MDGA2: variants seen among roughly 807,000 people sequenced by gnomAD.
MDGA2 encodes the protein MAM domain-containing glycosylphosphatidylinositol anchor protein 2.
In MDGA2, 40 loss-of-function variants were observed where a neutral mutation model predicts 117.8. The ratio of observed to expected loss-of-function variants is 0.34; its 90% CI spans 0.26 to 0.44. MDGA2 has a LOEUF of 0.44. MDGA2 is among the 20% of genes least tolerant of loss of function. The pLI is 1.00. For synonymous variants in MDGA2, 452 were observed against 439.0 expected, an observed-to-expected ratio of 1.03 and a Z score of -0.37; for missense variants, 1,123 against 1,250.6, an observed-to-expected ratio of 0.90 and a Z score of 1.54.
At chr14:47,603,837 G>A (rs1896691690) in intron 1 of MDGA2, among the ~76,000 whole-genome samples, 1 of 152,126 alleles carries the variant, frequency 6.6e-6, no homozygotes, top group South Asian at 2.1e-4. Context: ...CATCCCCTTG[G>A]TAACGAGTGC....
chr14:47,358,062 G>C (rs927108659), intron 1 of MDGA2, among the ~76,000 whole-genome samples: 4 of 152,186 alleles, frequency 2.6e-5, no homozygotes, highest in Non-Finnish European at 4.4e-5. Context: ...ATTCCAGGAA[G>C]AAGCTCTGCC....
chr14:47,080,471 T>C (rs1008589689), intron 6 of MDGA2, among the ~76,000 whole-genome samples: 4 of 151,870 alleles, frequency 2.6e-5, no homozygotes, highest in Non-Finnish European at 5.9e-5. Context: ...TTAATAAATA[T>C]TAAGAACATG....
chr14:47,052,500 A>G (rs914501652), intron 7 of MDGA2, among the ~76,000 whole-genome samples: 7 of 151,984 alleles, frequency 4.6e-5, no homozygotes, highest in African/African-American at 1.7e-4. Flanking sequence ...TGTTCTTTCC[A>G]TAGTAATACA....
intron 7 of MDGA2, among the ~76,000 whole-genome samples, chr14:47,049,223 T>A (rs1045212837): frequency 6.6e-6 from 1 of 152,054 alleles, no homozygotes; most frequent in African/African-American, 2.4e-5. Flanking sequence ...TTATTATTTC[T>A]ACTTCACATA....
chr14:47,291,736 A>G (rs1326245599), intron 2 of MDGA2, among the ~76,000 whole-genome samples: 2 of 152,204 alleles, frequency 1.3e-5, no homozygotes, highest in African/African-American at 4.8e-5. Flanking sequence ...CCTGGGAAAC[A>G]GTCAAATTTC....
At chr14:47,440,693 CTTCT>C (rs1892990555) in intron 1 of MDGA2, among the ~76,000 whole-genome samples, 2 of 130,682 alleles carry the variant, frequency 1.5e-5, no homozygotes, top group Non-Finnish European at 3.3e-5. Context: ...CTTCTGTAGG[CTTCT>C]AGAAATTCCC....
intron 1 of MDGA2, among the ~76,000 whole-genome samples, chr14:47,383,986 T>C (rs957192541): frequency 9.1e-6 from 1 of 110,112 alleles, no homozygotes; most frequent in Non-Finnish European, 2.0e-5. Context: ...AGATAGATGA[T>C]AGATAGATAG....
chr14:46,916,246 C>A (rs1232637891), intron 10 of MDGA2, among the ~76,000 whole-genome samples: 3 of 152,070 alleles, frequency 2.0e-5, no homozygotes, highest in Non-Finnish European at 4.4e-5. Context: ...TGTTCAAAAT[C>A]CCATTAGTCC....
intron 2 of MDGA2, among the ~76,000 whole-genome samples, chr14:47,297,612 A>C (rs1228232317): frequency 6.6e-6 from 1 of 152,080 alleles, no homozygotes; most frequent in East Asian, 1.9e-4. Context: ...AGATTGTTAG[A>C]TTTACTGGCA....
At chr14:47,367,095 A>T (rs4900741) in intron 1 of MDGA2, among the ~76,000 whole-genome samples, 25,445 of 152,070 alleles carry the variant, frequency 0.17, 2,645 homozygotes, top group East Asian at 0.54. Flanking sequence ...CACTGTTAAC[A>T]TTGGCAGAGT....
chr14:47,627,700 T>C (rs1207809557), intron 1 of MDGA2, among the ~76,000 whole-genome samples: 1 of 152,136 alleles, frequency 6.6e-6, no homozygotes, highest in Non-Finnish European at 1.5e-5. Flanking sequence ...ATAAAAGCAG[T>C]CTGCCCCAGC....
chr14:47,168,367 C>T (rs1442962256), intron 3 of MDGA2, among the ~76,000 whole-genome samples: 1 of 148,844 alleles, frequency 6.7e-6, no homozygotes, highest in Non-Finnish European at 1.5e-5. Context: ...CATCTATATT[C>T]TATATAATTT....
At chr14:47,307,685 G>C (rs371770567) in intron 1 of MDGA2, among the ~76,000 whole-genome samples, 1 of 125,944 alleles carries the variant, frequency 7.9e-6, no homozygotes, top group South Asian at 2.2e-4. Context: ...GATACTCTGT[G>C]GGGGGGAAAA....
chr14:47,476,226 C>A (rs188674994), intron 1 of MDGA2, among the ~76,000 whole-genome samples: 35 of 152,212 alleles, frequency 2.3e-4, no homozygotes, highest in Non-Finnish European at 7.4e-5. Context: ...AAAGGGCAGT[C>A]ACACTTGCTA....
chr14:47,153,113 C>T (rs1003749746), intron 3 of MDGA2, among the ~76,000 whole-genome samples: 1 of 152,186 alleles, frequency 6.6e-6, no homozygotes, highest in African/African-American at 2.4e-5. Context: ...ACCATCTATG[C>T]TAAAGAAAAT....
chr14:47,232,846 T>C (rs1009254077), intron 2 of MDGA2, among the ~76,000 whole-genome samples: 5 of 152,130 alleles, frequency 3.3e-5, no homozygotes, highest in Admixed American at 1.3e-4. Flanking sequence ...ATAATTTTAA[T>C]GACAGAAAGA....
intron 1 of MDGA2, among the ~76,000 whole-genome samples, chr14:47,441,091 A>G (rs1454240913): frequency 1.3e-5 from 2 of 152,150 alleles, no homozygotes; most frequent in East Asian, 3.9e-4. Context: ...ACACAAGTCT[A>G]TGGGAGCCAA....
intron 8 of MDGA2, among the ~76,000 whole-genome samples, chr14:46,990,322 T>C (rs1887038695): frequency 6.6e-6 from 1 of 152,056 alleles, no homozygotes; most frequent in African/African-American, 2.4e-5. Flanking sequence ...ACTATAGAAA[T>C]TCAAGTACTC....
intron 3 of MDGA2, among the ~76,000 whole-genome samples, chr14:47,162,797 T>C (rs1240318962): frequency 2.0e-5 from 3 of 152,122 alleles, no homozygotes; most frequent in Non-Finnish European, 2.9e-5. Flanking sequence ...TTTCTAGCAC[T>C]TCCTGTCCTA....
Sources: gnomAD v4.1 joint callset for allele counts (sites outside exome capture counted in the v4.1 genomes callset) on GRCh38, gnomAD v4.1.1 for gene constraint, MANE v1.5 for transcripts, NCBI Gene and HGNC (gene_info 2026-07-23, HGNC 2026-07-21) for gene names.